Variants in AHRR observed in about 807,000 individuals in gnomAD.
AHRR encodes the protein ahR repressor.
In AHRR, 28 loss-of-function variants were observed where a neutral mutation model predicts 44.0. That is an observed-to-expected ratio of 0.64 (90% CI 0.47 to 0.87). The LOEUF (loss-of-function observed/expected upper bound fraction) is 0.87, where lower values mean the gene tolerates loss of function less well. AHRR is among the 40% of genes least tolerant of loss of function. The pLI is 0.00. For missense variants in AHRR, 990 were observed against 953.9 expected (o/e 1.04, Z -0.50); for synonymous variants, 434 against 407.0 (o/e 1.07, Z -0.80).
chr5:331,021 C>T (rs1310901750), intron 1 of AHRR, among the ~76,000 whole-genome samples: 5 of 151,578 alleles, frequency 3.3e-5, no homozygotes, highest in East Asian at 1.9e-4. Context: ...GGACTACAGG[C>T]GCGTGCCACC....
intron 6 of AHRR, 61 bp downstream of exon 6, chr5:422,919 TG>T: frequency 6.5e-7 from 1 of 1,534,926 alleles, no homozygotes; most frequent in Middle Eastern, 2.0e-4. Context: ...AACACATCGC[TG>T]CCTCTGGAAA....
chr5:416,813 G>A (rs1579691667), intron 5 of AHRR, among the ~76,000 whole-genome samples: 1 of 152,232 alleles, frequency 6.6e-6, no homozygotes, highest in Non-Finnish European at 1.5e-5. Flanking sequence ...GGTGTGGCTC[G>A]ATGACTTTGT....
rs1189583218 is a variant in AHRR, at chr5:414,274, TA to T, written c.441+847del. On this transcript the variant is annotated intron_variant, in intron 5 of 10. Coordinates refer to ENST00000684583, the MANE Select transcript of AHRR (RefSeq NM_001377236.1). Reference sequence around the variant, plus strand: ...CGAGACTCCATCTCAAAAATAAAAATAAAAAATAAAAAAATCCCACTCAAGG... The same window carrying T: ...CGAGACTCCATCTCAAAAATAAAAATAAAAATAAAAAAATCCCACTCAAGG... Among the ~76,000 whole-genome samples the T allele has an allele frequency of 2.7e-5, 4 of 150,422 alleles. No individual in the cohort carries two copies. In the East Asian group the frequency reaches 7.8e-4, roughly 29 times the overall value.
rs1014343530 is a variant in AHRR at position 343,753 on chromosome 5, C to T, written c.-10-140C>T. On this transcript the variant is annotated intron_variant, in intron 1 of 10. Coordinates refer to ENST00000684583, the MANE Select transcript of AHRR (RefSeq NM_001377236.1). ...AGGGGTCCCGGGCCAGGGGGTCCCA[C>T]GAGGAGGAGCAGGAGGTGGGGGCCT... The T allele has an allele frequency of 3.3e-5, 26 of 782,608 alleles. 1 individual carries two copies. Among genetic ancestry groups the T allele is most frequent in the South Asian group, 1.5e-4 (8 of 54,828 alleles). The allele number at this position is 782,608 out of a possible 1,614,324, so 48.5% of individuals were successfully genotyped here.
intron 3 of AHRR, among the ~76,000 whole-genome samples, chr5:362,349 C>A (rs1016051852): frequency 6.6e-6 from 1 of 152,214 alleles, no homozygotes; most frequent in Non-Finnish European, 1.5e-5. Context: ...TTACAGCAGC[C>A]CTAGAGGCTA....
intron 2 of AHRR, among the ~76,000 whole-genome samples, chr5:344,391 C>T (rs1470180660): frequency 2.4e-5 from 2 of 82,130 alleles, no homozygotes; most frequent in Admixed American, 2.2e-4. Context: ...TGTGTGTCTG[C>T]GGGTGGGGAG....
intron 2 of AHRR, among the ~76,000 whole-genome samples, chr5:352,958 C>G (rs1742909282): frequency 1.3e-5 from 2 of 152,014 alleles, no homozygotes; most frequent in Non-Finnish European, 2.9e-5. Flanking sequence ...GATGGTCACT[C>G]TGAGGTGAGA....
rs530547022 is a variant in AHRR, at chr5:421,530, G to C, written c.442-1199G>C. On this transcript the variant is annotated intron_variant, in intron 5 of 10. Transcript: ENST00000684583. Reference sequence around the variant, plus strand: ...CCCAACGGTGTGTTCGTGATTGGGCGCATTTTGGCCTAGGTTACCCTCCAG... The same window carrying C: ...CCCAACGGTGTGTTCGTGATTGGGCCCATTTTGGCCTAGGTTACCCTCCAG... Among the ~76,000 whole-genome samples, 3 of 152,346 alleles carry C rather than the reference G, an allele frequency of 2.0e-5. No individual in the cohort carries two copies. The South Asian group carries it at 6.2e-4, about 32-fold the overall frequency.
intron 1 of AHRR, among the ~76,000 whole-genome samples, chr5:340,688 ATTTTTTTTT>A (rs539789608): frequency 0.078 from 1,006 of 12,906 alleles, 69 homozygotes; most frequent in Non-Finnish European, 0.1. Flanking sequence ...ATATATATAT[ATTTTTTTTT>A]TTTTTTTTTT....
At chr5:373,074 C>A (rs1426435091) in intron 3 of AHRR, among the ~76,000 whole-genome samples, 2 of 152,264 alleles carry the variant, frequency 1.3e-5, no homozygotes, top group African/African-American at 4.8e-5. Flanking sequence ...GTGAACTCTG[C>A]AGCCGTGGGC....
chr5:333,950 A>G (rs1742028312), intron 1 of AHRR, among the ~76,000 whole-genome samples: 1 of 152,064 alleles, frequency 6.6e-6, no homozygotes, highest in African/African-American at 2.4e-5. Context: ...TCTGGGAAAG[A>G]CTTTATTTCT....
intron 3 of AHRR, among the ~76,000 whole-genome samples, chr5:368,681 A>G (rs1256930275): frequency 6.6e-6 from 1 of 152,234 alleles, no homozygotes; most frequent in Non-Finnish European, 1.5e-5. Context: ...TTTCCTCTGC[A>G]GGACGAGCGT....
intron 4 of AHRR, chr5:403,785 G>A (rs1560910464): frequency 2.6e-6 from 4 of 1,534,708 alleles, no homozygotes; most frequent in Non-Finnish European, 3.6e-6. Flanking sequence ...TGTTCAAAGG[G>A]TCTCTTTCCT....
At position 405,865 on chromosome 5, in the gene AHRR, G is replaced by A. The variant is rs1028476341; in HGVS notation, c.352-7479G>A. On this transcript the variant is annotated intron_variant, in intron 4 of 10. Transcript: ENST00000684583. The surrounding 1 kb of genome is among the most constrained non-coding windows in gnomAD (Gnocchi z 4.5). ...AAAATATGGCTTTGCAGCCTAGCAA[G>A]GCTCTCGGTCTGAGGCTGCGTCCTT... Among the ~76,000 whole-genome samples, 1 of 152,202 alleles carries A rather than the reference G, an allele frequency of 6.6e-6. No individual in the cohort carries two copies. The highest frequency in any genetic ancestry group is 2.4e-5 in the African/African-American group (1 of 41,454).
rs1735274258 is a variant in AHRR at position 406,716 on chromosome 5, C to A, written c.352-6628C>A. Among the ~76,000 whole-genome samples the A allele has an allele frequency of 6.6e-6, 1 of 152,102 alleles. No homozygotes were observed. Among genetic ancestry groups the A allele is most frequent in the Admixed American group, 6.5e-5 (1 of 15,276 alleles). ...CCCTGTGAAACTGCACAAAACAATT[C>A]CAGATAAAATAATAGCAATTAACTT... On this transcript the variant is annotated intron_variant, in intron 4 of 10. Coordinates refer to ENST00000684583, the MANE Select transcript of AHRR (RefSeq NM_001377236.1). The surrounding 1 kb of genome is among the most constrained non-coding windows in gnomAD (Gnocchi z 4.7).
chr5:349,443 G>A (rs1302501091), intron 2 of AHRR, among the ~76,000 whole-genome samples: 3 of 152,042 alleles, frequency 2.0e-5, no homozygotes, highest in African/African-American at 7.2e-5. Flanking sequence ...AGCCGGGCAC[G>A]GTGGCGGGCG....
At chr5:422,617 C>G in intron 5 of AHRR, 112 bp from the exon 6 acceptor site, 1 of 1,421,334 alleles carries the variant, frequency 7.0e-7, no homozygotes, top group South Asian at 1.2e-5. Context: ...CTCCCTGTGG[C>G]TGTGACTTGC....
chr5:336,224 G>A (rs1742114698), intron 1 of AHRR, among the ~76,000 whole-genome samples: 2 of 152,156 alleles, frequency 1.3e-5, no homozygotes, highest in Admixed American at 1.3e-4. Flanking sequence ...GTGGACTGCG[G>A]GAAGACCCAC....
intron 4 of AHRR, among the ~76,000 whole-genome samples, chr5:389,416 A>G (rs551866578): frequency 6.6e-6 from 1 of 152,330 alleles, no homozygotes; most frequent in Admixed American, 6.5e-5. Context: ...AAGTGAATCA[A>G]CGACACCAAC....
Sources: allele counts gnomAD v4.1 joint callset (sites outside exome capture counted in the v4.1 genomes callset), GRCh38; gene constraint gnomAD v4.1.1; non-coding constraint Gnocchi (gnomAD v3.1); transcripts MANE v1.5; gene names NCBI Gene and HGNC (gene_info 2026-07-23, HGNC 2026-07-21).